GPC6: variants seen among roughly 807,000 people sequenced by gnomAD.
The protein encoded by GPC6 is glypican 6, also known as glypican-6.
A neutral mutation model predicts 55.2 loss-of-function variants in GPC6; 14 were observed. The ratio of observed to expected loss-of-function variants is 0.25; its 90% confidence interval spans 0.17 to 0.40. GPC6 has a LOEUF of 0.40. GPC6 is among the 10% of genes least tolerant of loss of function. GPC6 has a pLI of 1.00. For synonymous variants in GPC6, 278 were observed against 259.6 expected (o/e 1.07, Z -0.68); for missense variants, 641 against 708.5 (o/e 0.90, Z 1.08).
In GPC6 at chr13:93,888,369, G is replaced by A. The variant is rs78583257; in HGVS notation, c.711+57824G>A. Among the ~76,000 whole-genome samples the A allele has an allele frequency of 6.7e-3, 1,020 of 152,222 alleles. 16 individuals carry two copies. Among genetic ancestry groups the A allele is most frequent in the African/African-American group, 0.023 (957 of 41,548 alleles). On this transcript the variant is annotated intron_variant, in intron 3 of 8. Coordinates refer to ENST00000377047, the MANE Select transcript of GPC6 (RefSeq NM_005708.5). ...AGATATGCATAGCCTGATGGTCATC[G>A]TTCATTCCTACAGATATGATGCCTC... is the stretch of plus-strand genomic sequence containing the variant.
At chr13:94,225,009 C>T (rs768081547) in intron 4 of GPC6, among the ~76,000 whole-genome samples, 1 of 152,142 alleles carries the variant, frequency 6.6e-6, no homozygotes, top group Non-Finnish European at 1.5e-5. Flanking sequence ...GAAAGCTCTA[C>T]TCTGGTCTGC....
At chr13:93,340,887 C>A (rs971751192) in intron 1 of GPC6, among the ~76,000 whole-genome samples, 1 of 152,098 alleles carries the variant, frequency 6.6e-6, no homozygotes, top group African/African-American at 2.4e-5. Flanking sequence ...CACCTACCAC[C>A]GGAGTACTAT....
intron 1 of GPC6, among the ~76,000 whole-genome samples, chr13:93,273,757 C>T (rs1877629992): frequency 6.6e-6 from 1 of 152,098 alleles, no homozygotes; most frequent in Non-Finnish European, 1.5e-5. Context: ...GTGCATGATA[C>T]TCCCTTTAAG....
chr13:94,162,716 C>T (rs1888210371), intron 4 of GPC6, among the ~76,000 whole-genome samples: 1 of 152,092 alleles, frequency 6.6e-6, no homozygotes, highest in Non-Finnish European at 1.5e-5. Context: ...AAATTTTTTT[C>T]TCCTACATCT....
rs577021560 is a variant in GPC6, at chr13:93,374,583, G to A, written c.160+146967G>A. On this transcript the variant is annotated intron_variant, in intron 1 of 8. Transcript: ENST00000377047. The stretch of plus-strand genomic sequence containing the variant: ...ATGGCTTCGCTTAAATACTACTACT[G>A]TGGCCTTTGCAGATATTTGGAAACT... 1.0e-3 allele frequency among the ~76,000 whole-genome samples: 156 copies of A among 152,280 alleles called. 1 individual carries two copies. The highest frequency in any genetic ancestry group is 3.7e-3 in the African/African-American group (152 of 41,558).
chr13:93,634,505 A>G (rs144922341), intron 2 of GPC6, among the ~76,000 whole-genome samples: 69 of 152,264 alleles, frequency 4.5e-4, no homozygotes, highest in African/African-American at 1.6e-3. Flanking sequence ...GGTTTAAACA[A>G]ATTTGACTTT....
At chr13:93,961,642 A>G (rs2140384126) in intron 3 of GPC6, among the ~76,000 whole-genome samples, 1 of 152,342 alleles carries the variant, frequency 6.6e-6, no homozygotes, top group African/African-American at 2.4e-5. Flanking sequence ...TGATTTGGCC[A>G]TGATGTCCCA....
chr13:93,453,945 A>G (rs554445843), intron 1 of GPC6, among the ~76,000 whole-genome samples: 1 of 152,124 alleles, frequency 6.6e-6, no homozygotes, highest in East Asian at 1.9e-4. Flanking sequence ...ATCTGGCCCC[A>G]CCCACATCCT....
intron 2 of GPC6, among the ~76,000 whole-genome samples, chr13:93,563,720 G>A (rs1418027920): frequency 6.6e-6 from 1 of 151,014 alleles, no homozygotes; most frequent in Admixed American, 6.6e-5. Flanking sequence ...AACGTCTGGA[G>A]CCTGGGCAGT....
chr13:94,382,342 C>T (rs767321806), intron 6 of GPC6, 72 bp from the exon 7 acceptor site: 450 of 1,523,742 alleles, frequency 3.0e-4, no homozygotes, highest in Middle Eastern at 2.2e-3. Flanking sequence ...CCCTCGCCTG[C>T]GTACGTCCTT....
intron 1 of GPC6, among the ~76,000 whole-genome samples, chr13:93,373,812 TTAAA>T (rs1874774061): frequency 6.6e-6 from 1 of 152,230 alleles, no homozygotes; most frequent in African/African-American, 2.4e-5. Context: ...TTACATGATG[TTAAA>T]TAAAGAAATC....
chr13:93,335,237 T>C lies in GPC6; in HGVS notation c.160+107621T>C, dbSNP rs538978137. Among the ~76,000 whole-genome samples, 24 of 152,372 alleles carry C rather than the reference T, an allele frequency of 1.6e-4. No homozygotes were observed. In the East Asian group the frequency reaches 4.4e-3, roughly 28 times the overall value. On this transcript the variant is annotated intron_variant, in intron 1 of 8. Coordinates refer to ENST00000377047, the MANE Select transcript of GPC6 (RefSeq NM_005708.5). Reference sequence around the variant, plus strand: ...TAAAAATACCTGTTACGTTATAGAATATAACAAATAGCTAACACAATAGTT... The same window carrying C: ...TAAAAATACCTGTTACGTTATAGAACATAACAAATAGCTAACACAATAGTT...
chr13:93,812,144 G>T (rs1184242092), intron 2 of GPC6, among the ~76,000 whole-genome samples: 1 of 50,768 alleles, frequency 2.0e-5, no homozygotes, highest in South Asian at 6.8e-4. Flanking sequence ...CAAGGCGGTG[G>T]GGGGGGGGGC....
intron 3 of GPC6, among the ~76,000 whole-genome samples, chr13:93,846,521 G>T (rs902279865): frequency 1.3e-5 from 2 of 152,128 alleles, no homozygotes; most frequent in Non-Finnish European, 2.9e-5. Context: ...TATATAATTT[G>T]AAATTTTCAG....
intron 2 of GPC6, among the ~76,000 whole-genome samples, chr13:93,704,507 ATAT>A (rs143526117): frequency 0.024 from 3,687 of 151,952 alleles, 169 homozygotes; most frequent in African/African-American, 0.084. Context: ...TTATATTTTA[ATAT>A]TATTAATTTT....
chr13:93,424,650 T>G (rs961344807), intron 1 of GPC6, among the ~76,000 whole-genome samples: 3 of 151,310 alleles, frequency 2.0e-5, no homozygotes, highest in Non-Finnish European at 4.4e-5. Flanking sequence ...CATTTTTAAG[T>G]TTAAAAATAC....
chr13:94,164,671 A>T (rs892845734), intron 4 of GPC6, among the ~76,000 whole-genome samples: 2 of 152,188 alleles, frequency 1.3e-5, no homozygotes, highest in African/African-American at 4.8e-5. Flanking sequence ...AATTGGGATG[A>T]TTTCTACAGT....
intron 6 of GPC6, among the ~76,000 whole-genome samples, chr13:94,367,288 A>G (rs952219867): frequency 2.0e-5 from 3 of 152,254 alleles, no homozygotes; most frequent in African/African-American, 7.2e-5. Flanking sequence ...CTGCAAAGCA[A>G]TACTTTGACT....
chr13:93,757,078 A>C (rs1268504643), intron 2 of GPC6, among the ~76,000 whole-genome samples: 1 of 152,220 alleles, frequency 6.6e-6, no homozygotes, highest in Non-Finnish European at 1.5e-5. Flanking sequence ...GATACCTCTA[A>C]TTAGCTAAAC....
Sources: allele counts gnomAD v4.1 joint callset (sites outside exome capture counted in the v4.1 genomes callset), GRCh38; gene constraint gnomAD v4.1.1; transcripts MANE v1.5; gene names NCBI Gene and HGNC (gene_info 2026-07-23, HGNC 2026-07-21).